KIAA1217: variants seen among roughly 807,000 people sequenced by gnomAD.
KIAA1217 encodes the protein sickle tail protein homolog.
KIAA1217 carries 88 observed loss-of-function variants against 163.9 expected under a neutral mutation model. The ratio of observed to expected loss-of-function variants is 0.54; its 90% CI spans 0.45 to 0.64. KIAA1217 has a LOEUF of 0.64. KIAA1217 is among the 30% of genes least tolerant of loss of function. The probability of loss-of-function intolerance (pLI) is 0.00; values close to 1 mark genes in which losing one functional copy is unlikely to be tolerated. For missense variants in KIAA1217, 2,372 were observed against 2,475.0 expected (o/e 0.96, Z 0.88); for synonymous variants, 903 against 923.1 (o/e 0.98, Z 0.39).
chr10:23,792,018 A>G (rs1482381130), intron 1 of KIAA1217, among the ~76,000 whole-genome samples: 1 of 152,218 alleles, frequency 6.6e-6, no homozygotes, highest in Non-Finnish European at 1.5e-5. Context: ...GTCTTGGAAA[A>G]ATACTGATAT....
At chr10:23,865,714 A>G (rs1407997804) in intron 1 of KIAA1217, among the ~76,000 whole-genome samples, 1 of 152,132 alleles carries the variant, frequency 6.6e-6, no homozygotes, top group African/African-American at 2.4e-5. Context: ...TTTGTATTCT[A>G]TATAGGATGA....
intron 16 of KIAA1217, among the ~76,000 whole-genome samples, chr10:24,533,650 C>G (rs899408260): frequency 5.9e-5 from 9 of 152,212 alleles, no homozygotes; most frequent in Non-Finnish European, 4.4e-5. Flanking sequence ...AGCCACTGAC[C>G]TTGGATCATG....
intron 2 of KIAA1217, among the ~76,000 whole-genome samples, chr10:24,101,352 T>C (rs2062407094): frequency 6.6e-6 from 1 of 152,206 alleles, no homozygotes; most frequent in Non-Finnish European, 1.5e-5. Context: ...TTCATAAAAT[T>C]GTCTAAGACA....
At chr10:23,837,192 C>T (rs1190011083) in intron 1 of KIAA1217, among the ~76,000 whole-genome samples, 2 of 152,114 alleles carry the variant, frequency 1.3e-5, no homozygotes. Flanking sequence ...GATAAAATTT[C>T]AGACTTTTTT....
chr10:24,397,249 C>T (rs1036128201), intron 3 of KIAA1217, among the ~76,000 whole-genome samples: 1 of 151,666 alleles, frequency 6.6e-6, no homozygotes, highest in Non-Finnish European at 1.5e-5. Flanking sequence ...AGCACCACAC[C>T]CGGCTAATTT....
At chr10:24,299,725 T>TA (rs1462509546) in intron 2 of KIAA1217, among the ~76,000 whole-genome samples, 1 of 152,168 alleles carries the variant, frequency 6.6e-6, no homozygotes, top group African/African-American at 2.4e-5. Flanking sequence ...AGTAGTCACT[T>TA]TTACGCTTAT....
At chr10:24,016,754 T>C (rs1847496177) in intron 2 of KIAA1217, among the ~76,000 whole-genome samples, 1 of 152,074 alleles carries the variant, frequency 6.6e-6, no homozygotes, top group Non-Finnish European at 1.5e-5. Context: ...AGTTTCCTCA[T>C]GTAAAAATAA....
At chr10:24,082,599 T>G (rs1187331096) in intron 2 of KIAA1217, among the ~76,000 whole-genome samples, 1 of 152,222 alleles carries the variant, frequency 6.6e-6, no homozygotes, top group Non-Finnish European at 1.5e-5. Context: ...AGCTGCGTAG[T>G]ATTCTATGGT....
At chr10:23,951,894 T>A (rs1182652384) in intron 1 of KIAA1217, among the ~76,000 whole-genome samples, 3 of 152,204 alleles carry the variant, frequency 2.0e-5, no homozygotes, top group Admixed American at 2.0e-4. Context: ...CTTTTCATTG[T>A]TTTTCTATGT....
chr10:24,344,959 C>A (rs1230142828), intron 2 of KIAA1217, among the ~76,000 whole-genome samples: 1 of 152,128 alleles, frequency 6.6e-6, no homozygotes, highest in Admixed American at 6.6e-5. Context: ...GTGGCTAATC[C>A]ATCATCAACT....
rs373521321 is a variant in KIAA1217 at position 24,544,038 on chromosome 10, C to T, written c.4768C>T (p.Arg1590Cys). The change falls in exon 19 of 21, where the codon CGC (arginine) becomes TGC (cysteine). Residue 1590 changes from arginine (R) to cysteine (C), a missense_variant. Coordinates refer to ENST00000376454, the MANE Select transcript of KIAA1217 (RefSeq NM_019590.5). ...KQLAALTQAI[R>C]TGTKTGKKTL... ...ACTCGCCGCTCTCACTCAAGCCATT[C>T]GCACCGGAACTAAAACAGGGAAGAA... The T allele has an allele frequency of 9.0e-5, 146 of 1,614,008 alleles. No homozygotes were observed. The highest frequency in any genetic ancestry group is 1.5e-4 in the African/African-American group (11 of 74,918).
At chr10:24,118,017 G>A (rs2063126990) in intron 2 of KIAA1217, among the ~76,000 whole-genome samples, 1 of 152,046 alleles carries the variant, frequency 6.6e-6, no homozygotes, top group Admixed American at 6.6e-5. Flanking sequence ...TGGGAGAAAC[G>A]AGAGGAAGGA....
chr10:24,323,159 T>G (rs926505580), intron 2 of KIAA1217, among the ~76,000 whole-genome samples: 5 of 152,172 alleles, frequency 3.3e-5, no homozygotes, highest in Admixed American at 2.0e-4. Flanking sequence ...TCTTGCTATG[T>G]TGCCCAGAAT....
intron 1 of KIAA1217, among the ~76,000 whole-genome samples, chr10:24,003,967 T>A (rs1846871828): frequency 6.6e-6 from 1 of 152,128 alleles, no homozygotes; most frequent in African/African-American, 2.4e-5. Context: ...GACCTTTTTT[T>A]ATTTTATTTT....
chr10:24,320,696 A>G (rs2044020471), intron 2 of KIAA1217, among the ~76,000 whole-genome samples: 1 of 152,196 alleles, frequency 6.6e-6, no homozygotes, highest in Non-Finnish European at 1.5e-5. Flanking sequence ...CATGGCAGGA[A>G]GACGGAAAAT....
intron 2 of KIAA1217, among the ~76,000 whole-genome samples, chr10:24,359,082 C>CTTTTTTTTTT (rs202024336): frequency 8.5e-4 from 69 of 81,496 alleles, no homozygotes; most frequent in Non-Finnish European, 9.1e-4. Flanking sequence ...TTCTTTCTTT[C>CTTTTTTTTTT]TTTTTTTTTT....
chr10:23,817,359 AT>A (rs1837355904), intron 1 of KIAA1217, among the ~76,000 whole-genome samples: 6 of 152,216 alleles, frequency 3.9e-5, no homozygotes, highest in Admixed American at 3.9e-4. Context: ...TTATTGAAAC[AT>A]TGCAAGAGAA....
intron 2 of KIAA1217, among the ~76,000 whole-genome samples, chr10:24,161,711 C>G (rs1203247887): frequency 3.3e-5 from 5 of 152,232 alleles, no homozygotes; most frequent in African/African-American, 1.2e-4. Context: ...CCTTACCACA[C>G]CAGCCTCTCA....
intron 11 of KIAA1217, among the ~76,000 whole-genome samples, chr10:24,520,642 AAAAAAAAAAATATAT>A (rs1374834114): frequency 8.7e-5 from 8 of 91,478 alleles, no homozygotes; most frequent in South Asian, 3.3e-4. Flanking sequence ...AAAAAAAAAA[AAAAAAAAAAATATAT>A]ATATATATAT....
Sources: gnomAD v4.1 joint callset for allele counts (sites outside exome capture counted in the v4.1 genomes callset) on GRCh38, gnomAD v4.1.1 for gene constraint, MANE v1.5 for transcripts, NCBI Gene and HGNC (gene_info 2026-07-23, HGNC 2026-07-21) for gene names.